TAF15: variants seen among roughly 807,000 people sequenced by gnomAD.
The protein encoded by TAF15 is TATA-box binding protein associated factor 15.
Under a neutral mutation model 102.5 loss-of-function variants are expected in TAF15, and 37 were observed. The observed-to-expected ratio is 0.36, with a 90% CI of 0.28 to 0.47. The LOEUF (loss-of-function observed/expected upper bound fraction) is 0.47, where lower values mean the gene tolerates loss of function less well. Ranked by LOEUF, TAF15 falls within the 20% of genes least tolerant of loss-of-function variation. The pLI, the probability that TAF15 is intolerant of heterozygous loss-of-function variation, is 0.99. For missense variants in TAF15, 652 were observed against 760.7 expected (o/e 0.86, Z 1.68); for synonymous variants, 273 against 259.2 (o/e 1.05, Z -0.51).
Position 35,809,607 on chromosome 17 carries a change from C to T in TAF15, c.7+31C>T, listed in dbSNP as rs1312182520. 16 of 1,613,034 alleles carry T rather than the reference C, an allele frequency of 9.9e-6. 1 individual carries two copies. The highest frequency in any genetic ancestry group is 4.5e-5 in the East Asian group (2 of 44,858). On this transcript the variant is annotated intron_variant, in intron 1 of 15. Coordinates refer to ENST00000605844, the MANE Select transcript of TAF15 (RefSeq NM_139215.3). ...TGACTTCTTCAGCGAGCAGCGGCAG[C>T]GACGAGAAGGTCCTGGCGGGGTTGG...
At chr17:35,842,155 A>G (rs1032661702) in intron 11 of TAF15, among the ~76,000 whole-genome samples, 1 of 151,784 alleles carries the variant, frequency 6.6e-6, no homozygotes, top group Admixed American at 6.6e-5. Context: ...TTTTAAGCTT[A>G]GTAAGAAGTG....
At position 35,809,811 on chromosome 17, in the gene TAF15, C is replaced by T. The variant is rs370211988; in HGVS notation, c.7+235C>T. 24 of 613,100 alleles carry T rather than the reference C, an allele frequency of 3.9e-5. 1 individual carries two copies. Among genetic ancestry groups the T allele is most frequent in the South Asian group, 3.1e-4 (16 of 51,164 alleles). The allele number at this position is 613,100 out of a possible 1,614,324, so 38.0% of individuals were successfully genotyped here. On this transcript the variant is annotated intron_variant, in intron 1 of 15. Coordinates refer to ENST00000605844, the MANE Select transcript of TAF15 (RefSeq NM_139215.3). ...CGGGCCTCTTGTCTTTTGACCCTGT[C>T]CTTGGAACCCGAGGAGACTTGCCGT...
intron 11 of TAF15, among the ~76,000 whole-genome samples, chr17:35,841,504 T>G (rs2087544252): frequency 6.6e-6 from 1 of 151,852 alleles, no homozygotes; most frequent in Non-Finnish European, 1.5e-5. Context: ...TTGCTGGGCT[T>G]AGGTGATCCT....
At chr17:35,826,650 C>T (rs933305231) in intron 7 of TAF15, among the ~76,000 whole-genome samples, 2 of 151,404 alleles carry the variant, frequency 1.3e-5, no homozygotes, top group South Asian at 2.1e-4. Flanking sequence ...CTCCACCTCC[C>T]AGGTTCAAAC....
rs955744025 is a variant in TAF15 at position 35,844,456 on chromosome 17, GT to G, written c.1178-18del. The G allele has an allele frequency of 6.2e-7, 1 of 1,613,608 alleles. No individual in the cohort carries two copies. Among genetic ancestry groups the G allele is most frequent in the Non-Finnish European group, 8.5e-7 (1 of 1,179,844 alleles). On this transcript the variant is annotated intron_variant, in intron 14 of 15. Transcript: ENST00000605844. Reference sequence around the variant, plus strand: ...TTACGTTGTTTCTGCTGGCCTCATTGTTTGCATTTCTACCTTGCAGATTTCC... The same window carrying G: ...TTACGTTGTTTCTGCTGGCCTCATTGTTGCATTTCTACCTTGCAGATTTCC...
chr17:35,828,668 CT>C (rs1263978932), intron 7 of TAF15, among the ~76,000 whole-genome samples: 1 of 151,796 alleles, frequency 6.6e-6, no homozygotes, highest in Non-Finnish European at 1.5e-5. Context: ...GAGTTCAAGG[CT>C]GCAGTGAGCT....
rs547563321 is a variant in TAF15 at position 35,839,796 on chromosome 17, A to G, written c.913+1243A>G. ...ATAATTTTCCTTCTGGTGTTTTAAGATGTATCTTGTAATACTCCAAATAGA... is the reference window on the plus strand; with the variant it reads ...ATAATTTTCCTTCTGGTGTTTTAAGGTGTATCTTGTAATACTCCAAATAGA... On this transcript the variant is annotated intron_variant, in intron 11 of 15. Transcript: ENST00000605844. Among the ~76,000 whole-genome samples, 5 of 152,216 alleles carry G rather than the reference A, an allele frequency of 3.3e-5. No homozygotes were observed. The East Asian group carries it at 7.7e-4, about 23-fold the overall frequency.
intron 11 of TAF15, among the ~76,000 whole-genome samples, chr17:35,841,899 C>T (rs2087552313): frequency 6.6e-6 from 1 of 152,068 alleles, no homozygotes; most frequent in Non-Finnish European, 1.5e-5. Context: ...GGTCTCATTA[C>T]GTTCCTCAGG....
chr17:35,840,247 CTTTTTTTTTTT>C (rs370455465), intron 11 of TAF15, among the ~76,000 whole-genome samples: 2 of 119,404 alleles, frequency 1.7e-5, no homozygotes, highest in East Asian at 2.5e-4. Flanking sequence ...CGTTATTTTC[CTTTTTTTTTTT>C]TTTTTTTTTT....
At chr17:35,842,837 A>G (rs535030887) in intron 12 of TAF15, among the ~76,000 whole-genome samples, 1 of 152,050 alleles carries the variant, frequency 6.6e-6, no homozygotes, top group East Asian at 1.9e-4. Flanking sequence ...GGTTCAAGTG[A>G]TTCTCCTGCC....
At chr17:35,828,910 A>G (rs1220800668) in intron 7 of TAF15, among the ~76,000 whole-genome samples, 1 of 152,182 alleles carries the variant, frequency 6.6e-6, no homozygotes, top group Non-Finnish European at 1.5e-5. Flanking sequence ...GGCCACATGT[A>G]GGTAGTGGAT....
intron 9 of TAF15, among the ~76,000 whole-genome samples, chr17:35,835,683 A>G (rs1474989219): frequency 6.6e-6 from 1 of 152,270 alleles, no homozygotes; most frequent in East Asian, 1.9e-4. Context: ...TGAATGGGAA[A>G]CCAGCAGTTC....
chr17:35,823,733 G>A (rs4251751), intron 6 of TAF15: 3 of 280,418 alleles, frequency 1.1e-5, no homozygotes, highest in South Asian at 7.3e-5. Flanking sequence ...AAAAAAGATT[G>A]GGGTCGTGCT....
At position 35,844,530 on chromosome 17, in the gene TAF15, A is replaced by C; in HGVS notation, c.1231A>C (p.Arg411=). The C allele has an allele frequency of 6.2e-7, 1 of 1,609,118 alleles. No homozygotes were observed. The highest frequency in any genetic ancestry group is 1.7e-5 in the Admixed American group (1 of 59,740). The change falls in exon 15 of 16, where the codon AGA becomes CGA. Residue 411 remains arginine, a synonymous_variant. Transcript: ENST00000605844. The stretch of plus-strand genomic sequence containing the variant: ...GAGGGGCTACAGAGGTCGTGGGGGC[A>C]GAGGTGGAGACCGAGGCGGCTATGG... ...GERGYRGRGG[R]GGDRGGYGGD... is the part of the protein sequence containing the mutation.
At chr17:35,833,748 C>A in intron 7 of TAF15, 159 bp from the exon 8 acceptor site, 1 of 686,722 alleles carries the variant, frequency 1.5e-6, no homozygotes, top group East Asian at 2.8e-5. Flanking sequence ...TAGATGGAAA[C>A]AACATTTAGA....
chr17:35,843,115 T>A (rs955349706), intron 12 of TAF15, among the ~76,000 whole-genome samples: 54 of 152,200 alleles, frequency 3.5e-4, no homozygotes, highest in Admixed American at 8.5e-4. Flanking sequence ...GCTTTTTTTT[T>A]ATTTTTTATT....
At position 35,842,810 on chromosome 17, in the gene TAF15, AC is replaced by A. The variant is rs536861594; in HGVS notation, c.1006+352del. ...TGGAGTGGCGTGATCTCGGCTCACC[AC>A]AACCTCCGCCTCCCGGGTTCAAGTG... On this transcript the variant is annotated intron_variant, in intron 12 of 15. Transcript: ENST00000605844. 4.7e-4 allele frequency among the ~76,000 whole-genome samples: 71 copies of A among 151,618 alleles called. 1 individual carries two copies. The South Asian group carries it at 0.014, about 31-fold the overall frequency.
At chr17:35,831,809 G>A (rs1240873629) in intron 7 of TAF15, among the ~76,000 whole-genome samples, 1 of 152,094 alleles carries the variant, frequency 6.6e-6, no homozygotes, top group Non-Finnish European at 1.5e-5. Flanking sequence ...GAGGCCGGGC[G>A]TGGTGGCTCA....
chr17:35,826,314 G>A (rs2087324977), intron 7 of TAF15, among the ~76,000 whole-genome samples: 1 of 151,946 alleles, frequency 6.6e-6, no homozygotes, highest in Non-Finnish European at 1.5e-5. Context: ...TTGTTGAGAT[G>A]TTCATGAAAG....
Sources: allele counts gnomAD v4.1 joint callset (sites outside exome capture counted in the v4.1 genomes callset), GRCh38; gene constraint gnomAD v4.1.1; transcripts MANE v1.5; gene names NCBI Gene and HGNC (gene_info 2026-07-23, HGNC 2026-07-21).